Variants in CADM1 observed in about 807,000 individuals in gnomAD.
CADM1 encodes cell adhesion molecule 1, also known as TSLC-1.
In CADM1, 15 loss-of-function variants were observed where a neutral mutation model predicts 53.1. The observed-to-expected ratio is 0.28, with a 90% CI of 0.19 to 0.44. The LOEUF is 0.44. Among genes scored for constraint, CADM1 ranks in the 20% least tolerant of loss-of-function variants. CADM1 has a pLI of 1.00. For missense variants in CADM1, 434 were observed against 611.3 expected (o/e 0.71, Z 3.06); for synonymous variants, 281 against 243.0 (o/e 1.16, Z -1.45).
intron 1 of CADM1, among the ~76,000 whole-genome samples, chr11:115,273,355 A>C (rs1387931874): frequency 1.3e-5 from 2 of 152,232 alleles, no homozygotes; most frequent in Non-Finnish European, 2.9e-5. Context: ...ACATCTCTTA[A>C]ATGTTCCTCA....
intron 1 of CADM1, among the ~76,000 whole-genome samples, chr11:115,355,181 C>G (rs1945832741): frequency 6.6e-6 from 1 of 152,050 alleles, no homozygotes; most frequent in African/African-American, 2.4e-5. Flanking sequence ...GCGTTATTCA[C>G]AATAATAGCA....
chr11:115,444,742 C>A (rs1021167766), intron 1 of CADM1, among the ~76,000 whole-genome samples: 1 of 152,158 alleles, frequency 6.6e-6, no homozygotes, highest in African/African-American at 2.4e-5. Flanking sequence ...GAAATTAAAT[C>A]GCTAATTTTT....
intron 1 of CADM1, among the ~76,000 whole-genome samples, chr11:115,502,354 T>TTTTG (rs1949747285): frequency 7.9e-6 from 1 of 127,182 alleles, no homozygotes. Context: ...TTTTTTTTTT[T>TTTTG]TGCAGCCAAT....
intron 2 of CADM1, among the ~76,000 whole-genome samples, chr11:115,239,959 T>C (rs57075370): frequency 6.6e-6 from 1 of 152,188 alleles, no homozygotes; most frequent in Admixed American, 6.5e-5. Context: ...CCTTTCAGAA[T>C]GCTGTATTTT....
intron 1 of CADM1, chr11:115,397,389 C>A (rs533397630): frequency 6.6e-6 from 1 of 152,286 alleles, no homozygotes; most frequent in South Asian, 2.1e-4. Flanking sequence ...CCTTAGCTAA[C>A]TGCAAAATGA....
chr11:115,324,495 T>C (rs1481045401), intron 1 of CADM1, among the ~76,000 whole-genome samples: 1 of 45,176 alleles, frequency 2.2e-5, no homozygotes, highest in Non-Finnish European at 4.2e-5. Flanking sequence ...TTCTCTCTTG[T>C]TGGTGTGTTC....
At chr11:115,309,919 G>A (rs1944486370) in intron 1 of CADM1, among the ~76,000 whole-genome samples, 1 of 152,158 alleles carries the variant, frequency 6.6e-6, no homozygotes, top group Admixed American at 6.5e-5. Flanking sequence ...ATCCAGTCAT[G>A]GAGGGAAAGC....
intron 1 of CADM1, among the ~76,000 whole-genome samples, chr11:115,450,110 G>C (rs1948539362): frequency 6.6e-6 from 1 of 152,008 alleles, no homozygotes; most frequent in Non-Finnish European, 1.5e-5. Flanking sequence ...ATGAGAATCA[G>C]GCATAGTGAT....
At chr11:115,297,442 C>T (rs45612240) in intron 1 of CADM1, among the ~76,000 whole-genome samples, 35 of 152,218 alleles carry the variant, frequency 2.3e-4, no homozygotes, top group South Asian at 4.1e-4. Context: ...GTGTTTGTGC[C>T]GGCTCTCATC....
intron 1 of CADM1, among the ~76,000 whole-genome samples, chr11:115,308,407 T>C (rs1944444311): frequency 6.6e-6 from 1 of 151,882 alleles, no homozygotes; most frequent in Non-Finnish European, 1.5e-5. Flanking sequence ...TGGTAGATGC[T>C]TCATATATAC....
At chr11:115,243,506 C>T (rs1459545416) in intron 1 of CADM1, among the ~76,000 whole-genome samples, 1 of 152,052 alleles carries the variant, frequency 6.6e-6, no homozygotes, top group Non-Finnish European at 1.5e-5. Flanking sequence ...CTTTAAGGCA[C>T]CATAAGATGG....
chr11:115,465,037 A>G (rs1308784922), intron 1 of CADM1, among the ~76,000 whole-genome samples: 1 of 152,198 alleles, frequency 6.6e-6, no homozygotes, highest in East Asian at 1.9e-4. Flanking sequence ...ACAACCACTT[A>G]TCTGGGCATC....
At chr11:115,473,558 GAC>G (rs964686186) in intron 1 of CADM1, among the ~76,000 whole-genome samples, 3 of 152,144 alleles carry the variant, frequency 2.0e-5, no homozygotes, top group South Asian at 2.1e-4. Context: ...ATTGACTTCT[GAC>G]ACAGGTGCAA....
At chr11:115,331,898 A>G (rs1945139762) in intron 1 of CADM1, among the ~76,000 whole-genome samples, 1 of 151,244 alleles carries the variant, frequency 6.6e-6, no homozygotes, top group Non-Finnish European at 1.5e-5. Context: ...TTTGAGTTCA[A>G]CACAGCCCTA....
intron 8 of CADM1, among the ~76,000 whole-genome samples, chr11:115,202,310 T>C (rs994594242): frequency 6.6e-6 from 1 of 152,200 alleles, no homozygotes; most frequent in Admixed American, 6.5e-5. Flanking sequence ...CTTAGAATTG[T>C]TCATTGAGTG....
chr11:115,223,502 CAG>C (rs1359084964), intron 5 of CADM1, among the ~76,000 whole-genome samples: 1 of 152,180 alleles, frequency 6.6e-6, no homozygotes, highest in Non-Finnish European at 1.5e-5. Flanking sequence ...CACAGCCACA[CAG>C]ACACATCTTT....
chr11:115,222,023 G>C (rs1941425293), intron 5 of CADM1, among the ~76,000 whole-genome samples: 1 of 152,156 alleles, frequency 6.6e-6, no homozygotes, highest in African/African-American at 2.4e-5. Context: ...TGGGACACAG[G>C]CTCTTCTTCA....
intron 1 of CADM1, among the ~76,000 whole-genome samples, chr11:115,369,373 C>T (rs930601211): frequency 1.3e-5 from 2 of 152,100 alleles, no homozygotes; most frequent in African/African-American, 4.8e-5. Flanking sequence ...AGTGGTTAAT[C>T]GGTTGTTCAG....
chr11:115,396,239 G>A (rs1479046872), intron 1 of CADM1, among the ~76,000 whole-genome samples: 1 of 152,160 alleles, frequency 6.6e-6, no homozygotes, highest in Non-Finnish European at 1.5e-5. Flanking sequence ...TGGAAGCAAA[G>A]GGCGCGTGTC....
Sources: allele counts gnomAD v4.1 joint callset (sites outside exome capture counted in the v4.1 genomes callset), GRCh38; gene constraint gnomAD v4.1.1; transcripts MANE v1.5; gene names NCBI Gene and HGNC (gene_info 2026-07-23, HGNC 2026-07-21).